The following ADGRB3 variants were observed in gnomAD, a reference collection of about 807,000 sequenced individuals.
ADGRB3 encodes the protein adhesion G protein-coupled receptor B3, also known as brain-specific angiogenesis inhibitor 3.
In ADGRB3, 37 loss-of-function variants were observed where a neutral mutation model predicts 193.4. That is an observed-to-expected ratio of 0.19 (90% CI 0.15 to 0.25). The LOEUF (loss-of-function observed/expected upper bound fraction) is 0.25. Among genes scored for constraint, ADGRB3 ranks in the 10% least tolerant of loss-of-function variants. The pLI, the probability that ADGRB3 is intolerant of heterozygous loss-of-function variation, is 1.00. For missense variants in ADGRB3, 1,637 were observed against 1,852.9 expected (o/e 0.88, Z 2.14); for synonymous variants, 690 against 644.2 (o/e 1.07, Z -1.08).
intron 3 of ADGRB3, among the ~76,000 whole-genome samples, chr6:68,731,805 C>T (rs1162754694): frequency 6.6e-6 from 1 of 151,480 alleles, no homozygotes; most frequent in Non-Finnish European, 1.5e-5. Context: ...GATTTATAGA[C>T]ATGTGAATCA....
chr6:69,071,206 G>T (rs1418640560), intron 16 of ADGRB3, among the ~76,000 whole-genome samples: 2 of 152,130 alleles, frequency 1.3e-5, no homozygotes, highest in Non-Finnish European at 2.9e-5. Context: ...CTTTGTGAGG[G>T]TAATATAACA....
Position 69,349,304 on chromosome 6 carries a change from T to C in ADGRB3, c.3460-4929T>C, listed in dbSNP as rs9363994. The stretch of plus-strand genomic sequence containing the variant: ...CTTATATGACCTCCTCAAACTGATA[T>C]AAAAAGTAATTTGAAGGTAAAGAGG... On this transcript the variant is annotated intron_variant, in intron 26 of 31. Transcript: ENST00000370598. Among the ~76,000 whole-genome samples the C allele has an allele frequency of 3.4e-3, 522 of 152,328 alleles. 11 individuals carry two copies. In the East Asian group the frequency reaches 0.073, roughly 21 times the overall value.
intron 17 of ADGRB3, among the ~76,000 whole-genome samples, chr6:69,103,016 AC>A (rs1342329511): frequency 1.3e-5 from 2 of 152,172 alleles, no homozygotes; most frequent in Non-Finnish European, 2.9e-5. Flanking sequence ...TCTCATGACA[AC>A]AATGCCAAAA....
chr6:69,232,295 C>A, intron 17 of ADGRB3: 1 of 696,430 alleles, frequency 1.4e-6, no homozygotes, highest in Non-Finnish European at 2.1e-6. Flanking sequence ...TTTCTCTCTT[C>A]CTGTAGTGTA....
At chr6:68,803,612 A>C (rs1170741499) in intron 3 of ADGRB3, among the ~76,000 whole-genome samples, 2 of 152,016 alleles carry the variant, frequency 1.3e-5, no homozygotes, top group African/African-American at 4.8e-5. Flanking sequence ...CTTTTTCACT[A>C]TCCTCTTCTT....
At chr6:68,681,300 A>G (rs1165739569) in intron 3 of ADGRB3, among the ~76,000 whole-genome samples, 1 of 152,134 alleles carries the variant, frequency 6.6e-6, no homozygotes, top group Non-Finnish European at 1.5e-5. Context: ...ACAAATATCC[A>G]AACTATATCA....
chr6:69,336,199 A>T lies in ADGRB3; in HGVS notation c.3189-2717A>T, dbSNP rs542420231. Among the ~76,000 whole-genome samples, 21 of 152,162 alleles carry T rather than the reference A, an allele frequency of 1.4e-4. No homozygotes were observed. The Middle Eastern group carries it at 0.01, about 74-fold the overall frequency. On this transcript the variant is annotated intron_variant, in intron 24 of 31. Coordinates refer to ENST00000370598, the MANE Select transcript of ADGRB3 (RefSeq NM_001704.3). Reference sequence around the variant, plus strand: ...AGTTTACCAAGAAGGAATTTATTGTAAATACAACACATCTTAAATAAAATG... The same window carrying T: ...AGTTTACCAAGAAGGAATTTATTGTTAATACAACACATCTTAAATAAAATG...
rs992228500 is a variant in ADGRB3 at position 68,845,802 on chromosome 6, G to A, written c.758-84757G>A. Among the ~76,000 whole-genome samples, 8 of 152,208 alleles carry A rather than the reference G, an allele frequency of 5.3e-5. No homozygotes were observed. The East Asian group carries it at 1.5e-3, about 29-fold the overall frequency. On this transcript the variant is annotated intron_variant, in intron 3 of 31. Transcript: ENST00000370598. Reference sequence around the variant, plus strand: ...TTTCAGGCATGTCTTTATCAGCATTGTGAAAATGAAATACTACAGTAAATT... The same window carrying A: ...TTTCAGGCATGTCTTTATCAGCATTATGAAAATGAAATACTACAGTAAATT...
chr6:68,991,289 T>C (rs1311900286), intron 10 of ADGRB3, among the ~76,000 whole-genome samples: 1 of 152,096 alleles, frequency 6.6e-6, no homozygotes. Flanking sequence ...GTATGTTGAA[T>C]AAGGTTCTAG....
chr6:68,975,210 C>G, intron 9 of ADGRB3, 24 bp from the exon 10 acceptor site: 1 of 1,589,592 alleles, frequency 6.3e-7, no homozygotes, highest in East Asian at 2.2e-5. Flanking sequence ...TATAAAGCTT[C>G]TCTCTGTTCT....
At chr6:69,228,614 T>C (rs543305355) in intron 17 of ADGRB3, among the ~76,000 whole-genome samples, 1 of 152,308 alleles carries the variant, frequency 6.6e-6, no homozygotes, top group South Asian at 2.1e-4. Flanking sequence ...AACTGTCCTT[T>C]CTGGTGATGG....
chr6:68,842,283 G>A (rs1187815089), intron 3 of ADGRB3, among the ~76,000 whole-genome samples: 6 of 151,236 alleles, frequency 4.0e-5, no homozygotes, highest in Non-Finnish European at 8.9e-5. Context: ...TTTTAGCCAG[G>A]CTAACTAAAA....
chr6:68,643,628 A>AT (rs1052407877), intron 3 of ADGRB3, among the ~76,000 whole-genome samples: 4 of 151,086 alleles, frequency 2.6e-5, no homozygotes, highest in Non-Finnish European at 5.9e-5. Context: ...TTGCAGCGTG[A>AT]TTTTACATCA....
intron 3 of ADGRB3, among the ~76,000 whole-genome samples, chr6:68,905,508 A>G (rs1188245044): frequency 6.6e-6 from 1 of 152,230 alleles, no homozygotes; most frequent in East Asian, 1.9e-4. Context: ...TGTAGCAAAT[A>G]GGCTATGATC....
At chr6:68,865,160 C>T (rs1212287803) in intron 3 of ADGRB3, among the ~76,000 whole-genome samples, 1 of 152,072 alleles carries the variant, frequency 6.6e-6, no homozygotes, top group African/African-American at 2.4e-5. Flanking sequence ...TGTTTCACCC[C>T]CAGTTTATGA....
At chr6:68,678,503 T>C (rs73461971) in intron 3 of ADGRB3, among the ~76,000 whole-genome samples, 4,947 of 152,284 alleles carry the variant, frequency 0.032, 138 homozygotes, top group African/African-American at 0.073. Flanking sequence ...GAGCTTGTGA[T>C]CCTTGCTTTA....
intron 3 of ADGRB3, among the ~76,000 whole-genome samples, chr6:68,723,167 C>A (rs1278712024): frequency 6.6e-6 from 1 of 151,714 alleles, no homozygotes; most frequent in Non-Finnish European, 1.5e-5. Context: ...TTTATGAAAA[C>A]ATAATATGAA....
intron 20 of ADGRB3, among the ~76,000 whole-genome samples, chr6:69,319,768 A>T (rs975399827): frequency 3.3e-5 from 5 of 151,314 alleles, no homozygotes; most frequent in African/African-American, 1.2e-4. Flanking sequence ...TGCATAAGCT[A>T]GCTCTTTTCA....
At chr6:69,332,305 C>T in intron 23 of ADGRB3, 9 of 985,354 alleles carry the variant, frequency 9.1e-6, no homozygotes, top group Non-Finnish European at 1.1e-5. Flanking sequence ...TAGAACTGTA[C>T]ACTAGAGCAT....
Sources: gnomAD v4.1 joint callset for allele counts (sites outside exome capture counted in the v4.1 genomes callset) on GRCh38, gnomAD v4.1.1 for gene constraint, MANE v1.5 for transcripts, NCBI Gene and HGNC (gene_info 2026-07-23, HGNC 2026-07-21) for gene names.